MPPED1: variants seen among roughly 807,000 people sequenced by gnomAD.
The protein encoded by MPPED1 is metallophosphoesterase domain containing 1.
In MPPED1, 16 loss-of-function variants were observed where a neutral mutation model predicts 36.2. The observed-to-expected ratio is 0.44, with a 90% CI of 0.30 to 0.67. The LOEUF (loss-of-function observed/expected upper bound fraction) is 0.67. Ranked by LOEUF, MPPED1 falls within the 30% of genes least tolerant of loss-of-function variation. MPPED1 has a pLI of 0.10. For synonymous variants in MPPED1, 199 were observed against 191.3 expected (o/e 1.04, Z -0.33); for missense variants, 307 against 453.4 (o/e 0.68, Z 2.93).
At chr22:43,473,520 C>T (rs932310555) in intron 3 of MPPED1, among the ~76,000 whole-genome samples, 3 of 152,342 alleles carry the variant, frequency 2.0e-5, no homozygotes, top group Admixed American at 1.3e-4. Flanking sequence ...TCACTCTCGG[C>T]CCAGGAGGGG....
chr22:43,464,140 CT>C (rs752380367), intron 3 of MPPED1, among the ~76,000 whole-genome samples: 22 of 151,920 alleles, frequency 1.4e-4, no homozygotes, highest in Non-Finnish European at 3.2e-4. Context: ...AACTCCTGAC[CT>C]CAGGTGATCA....
chr22:43,476,246 G>A (rs1272835047), intron 4 of MPPED1, among the ~76,000 whole-genome samples: 2 of 152,138 alleles, frequency 1.3e-5, no homozygotes, highest in Non-Finnish European at 2.9e-5. Flanking sequence ...GCGGCCACAG[G>A]GTGCCCAGTG....
intron 3 of MPPED1, among the ~76,000 whole-genome samples, chr22:43,447,072 C>A (rs750424917): frequency 6.6e-6 from 1 of 152,184 alleles, no homozygotes; most frequent in South Asian, 2.1e-4. Context: ...TGCCTTCCTC[C>A]CCCCTGCTGG....
chr22:43,471,572 C>T (rs1261702001), intron 3 of MPPED1, among the ~76,000 whole-genome samples: 1 of 152,208 alleles, frequency 6.6e-6, no homozygotes, highest in African/African-American at 2.4e-5. Flanking sequence ...AATGAGATCT[C>T]AGCTCTCCAC....
chr22:43,480,486 G>T (rs564749954), intron 4 of MPPED1, among the ~76,000 whole-genome samples: 10 of 152,274 alleles, frequency 6.6e-5, no homozygotes, highest in African/African-American at 2.4e-4. Flanking sequence ...ATGTTGATTG[G>T]CCACTTAGAT....
chr22:43,500,262 ATGGTGATGGAGGTGGCGG>A (rs1932657994), intron 5 of MPPED1, among the ~76,000 whole-genome samples: 3 of 19,522 alleles, frequency 1.5e-4, no homozygotes, highest in South Asian at 3.9e-3. Flanking sequence ...GATGGTGGTG[ATGGTGATGGAGGTGGCGG>A]TGGTGATGGG....
chr22:43,483,705 T>A (rs1200175102), intron 4 of MPPED1, among the ~76,000 whole-genome samples: 4 of 152,214 alleles, frequency 2.6e-5, no homozygotes, highest in African/African-American at 9.6e-5. Flanking sequence ...CAAGGTACAA[T>A]CTGGGGGAGT....
At chr22:43,445,201 G>T (rs1377355051) in intron 3 of MPPED1, among the ~76,000 whole-genome samples, 16 of 152,188 alleles carry the variant, frequency 1.1e-4, no homozygotes, top group Non-Finnish European at 2.4e-4. Flanking sequence ...TTTCTGTGTG[G>T]AAGGACCTTG....
chr22:43,428,596 C>T (rs907575230), intron 2 of MPPED1, among the ~76,000 whole-genome samples: 13 of 152,104 alleles, frequency 8.5e-5, no homozygotes, highest in Admixed American at 7.2e-4. Context: ...GCTTTGTCTC[C>T]GGGGTGAGGG....
chr22:43,490,219 A>G (rs571214496), intron 4 of MPPED1, among the ~76,000 whole-genome samples: 49 of 152,280 alleles, frequency 3.2e-4, no homozygotes, highest in Non-Finnish European at 6.3e-4. Context: ...TGGTCCTTCT[A>G]TGCATTTGGA....
At chr22:43,476,609 T>C (rs138032736) in intron 4 of MPPED1, among the ~76,000 whole-genome samples, 38 of 152,198 alleles carry the variant, frequency 2.5e-4, no homozygotes, top group African/African-American at 8.4e-4. Flanking sequence ...AGGACCTGGT[T>C]TCATCTTGCC....
At chr22:43,422,962 A>T (rs968954508) in intron 1 of MPPED1, among the ~76,000 whole-genome samples, 1 of 152,012 alleles carries the variant, frequency 6.6e-6, no homozygotes, top group Non-Finnish European at 1.5e-5. Flanking sequence ...TCACCCTCTC[A>T]AGTAGCTGGG....
At chr22:43,446,092 A>G (rs976727578) in intron 3 of MPPED1, among the ~76,000 whole-genome samples, 2 of 151,390 alleles carry the variant, frequency 1.3e-5, no homozygotes, top group Admixed American at 1.3e-4. Flanking sequence ...GCTGGTCTCG[A>G]ACTCCTGGGC....
chr22:43,439,502 G>T (rs946108130), intron 3 of MPPED1, among the ~76,000 whole-genome samples: 4 of 152,240 alleles, frequency 2.6e-5, no homozygotes, highest in African/African-American at 9.6e-5. Flanking sequence ...AGGGAGGTGG[G>T]GCGGCTGGAG....
chr22:43,454,902 A>G (rs1310721782), intron 3 of MPPED1, among the ~76,000 whole-genome samples: 1 of 152,104 alleles, frequency 6.6e-6, no homozygotes, highest in East Asian at 1.9e-4. Context: ...CTGCATTGAT[A>G]CTGTGTTGGT....
At chr22:43,487,885 G>C (rs1931961609) in intron 4 of MPPED1, among the ~76,000 whole-genome samples, 1 of 152,142 alleles carries the variant, frequency 6.6e-6, no homozygotes, top group Non-Finnish European at 1.5e-5. Context: ...GACTGCTTAA[G>C]GGGATTTGCT....
At chr22:43,465,078 A>G (rs1048403509) in intron 3 of MPPED1, among the ~76,000 whole-genome samples, 1 of 152,174 alleles carries the variant, frequency 6.6e-6, no homozygotes, top group African/African-American at 2.4e-5. Flanking sequence ...CAGGACCTTT[A>G]TGTCACGTCT....
chr22:43,476,250 C>T (rs1354917215), intron 4 of MPPED1, among the ~76,000 whole-genome samples: 1 of 152,064 alleles, frequency 6.6e-6, no homozygotes, highest in Non-Finnish European at 1.5e-5. Context: ...CCACAGGGTG[C>T]CCAGTGCTGG....
intron 4 of MPPED1, among the ~76,000 whole-genome samples, chr22:43,497,930 T>C (rs1932475570): frequency 3.1e-5 from 1 of 32,384 alleles, no homozygotes; most frequent in Non-Finnish European, 5.7e-5. Flanking sequence ...TATATATATG[T>C]ATATGTATAT....
Sources: gnomAD v4.1 joint callset for allele counts (sites outside exome capture counted in the v4.1 genomes callset) on GRCh38, gnomAD v4.1.1 for gene constraint, MANE v1.5 for transcripts, NCBI Gene and HGNC (gene_info 2026-07-23, HGNC 2026-07-21) for gene names.